The following MYO9A variants were observed in gnomAD, a reference collection of about 807,000 sequenced individuals.
The protein encoded by MYO9A is unconventional myosin-IXa.
In MYO9A, 103 loss-of-function variants were observed where a neutral mutation model predicts 293.3. The ratio of observed to expected loss-of-function variants is 0.35; its 90% CI spans 0.30 to 0.41. MYO9A has a LOEUF of 0.41. Among genes scored for constraint, MYO9A ranks in the 10% least tolerant of loss-of-function variants. The probability of loss-of-function intolerance (pLI) is 1.00; values close to 1 mark genes in which losing one functional copy is unlikely to be tolerated. For synonymous variants in MYO9A, 1,001 were observed against 1,035.7 expected, an observed-to-expected ratio of 0.97 and a Z score of 0.64; for missense variants, 2,685 against 3,033.0, an observed-to-expected ratio of 0.89 and a Z score of 2.69.
At chr15:71,993,089 G>C (rs1222724697) in intron 10 of MYO9A, among the ~76,000 whole-genome samples, 1 of 152,090 alleles carries the variant, frequency 6.6e-6, no homozygotes, top group African/African-American at 2.4e-5. Flanking sequence ...GGTGGCTCAC[G>C]CCTGTAATCC....
At chr15:71,901,380 G>A (rs751843877) in intron 22 of MYO9A, 40 bp from the exon 23 acceptor site, 24 of 1,564,894 alleles carry the variant, frequency 1.5e-5, no homozygotes, top group Non-Finnish European at 2.0e-5. Flanking sequence ...AGCTTAAGAA[G>A]AAATGAGAAA....
intron 14 of MYO9A, among the ~76,000 whole-genome samples, chr15:71,956,310 TAAA>T (rs869151550): frequency 1.9e-4 from 7 of 36,762 alleles, no homozygotes; most frequent in East Asian, 1.3e-3. Flanking sequence ...ACCCGGCTCT[TAAA>T]AAAAAAAAAA....
Position 71,898,895 on chromosome 15 carries a change from A to T in MYO9A, c.3608T>A (p.Ile1203Lys). ...AGATTTACATTCCTCTATGGCTTTT[A>T]TTCTGTTGTCAAAAGAACAATCCTC... is the stretch of plus-strand genomic sequence containing the variant. Reference protein sequence around the residue: ...GWEDCSFDNRIKAIEECKSVI... With the variant: ...GWEDCSFDNRKKAIEECKSVI... The change falls in exon 25 of 42, where the codon ATA becomes AAA. Residue 1203 changes from isoleucine to lysine, a missense_variant. Ile to Lys is a moderately radical substitution (Grantham distance 102). Coordinates refer to ENST00000356056, the MANE Select transcript of MYO9A (RefSeq NM_006901.4). 1 of 1,614,040 alleles carries T rather than the reference A, an allele frequency of 6.2e-7. No individual in the cohort carries two copies. Among genetic ancestry groups the T allele is most frequent in the South Asian group, 1.1e-5 (1 of 91,076 alleles).
At chr15:72,045,637 T>G in intron 2 of MYO9A, 87 bp downstream of exon 2, 2 of 1,381,674 alleles carry the variant, frequency 1.4e-6, no homozygotes, top group Non-Finnish European at 1.9e-6. Flanking sequence ...GACCTGGTAT[T>G]GCAGTACCTC....
chr15:71,949,310 C>A (rs1204090367), intron 15 of MYO9A, among the ~76,000 whole-genome samples: 1 of 152,022 alleles, frequency 6.6e-6, no homozygotes, highest in African/African-American at 2.4e-5. Flanking sequence ...TCAAGCAATT[C>A]TTGTGCTTCA....
At chr15:71,983,400 C>T (rs1216426983) in intron 11 of MYO9A, among the ~76,000 whole-genome samples, 3 of 148,794 alleles carry the variant, frequency 2.0e-5, no homozygotes, top group Admixed American at 2.0e-4. Flanking sequence ...TTACTCCTAA[C>T]TTATATGCTA....
chr15:72,008,498 G>T (rs535719487), intron 7 of MYO9A, among the ~76,000 whole-genome samples: 45 of 150,956 alleles, frequency 3.0e-4, no homozygotes, highest in African/African-American at 1.0e-3. Context: ...GGGTGTGTGT[G>T]TGTGTGTATG....
intron 1 of MYO9A, among the ~76,000 whole-genome samples, chr15:72,114,834 C>T (rs1326549976): frequency 6.6e-6 from 1 of 152,116 alleles, no homozygotes; most frequent in African/African-American, 2.4e-5. Flanking sequence ...ATATTTATTT[C>T]AAACTGAGTT....
At chr15:72,114,788 T>C (rs373885466) in intron 1 of MYO9A, among the ~76,000 whole-genome samples, 3 of 152,342 alleles carry the variant, frequency 2.0e-5, no homozygotes, top group Admixed American at 2.0e-4. Flanking sequence ...TAAGTCAATA[T>C]TGTGGTTTTT....
chr15:71,998,565 C>CTTT (rs11443228), intron 9 of MYO9A, among the ~76,000 whole-genome samples: 8 of 140,046 alleles, frequency 5.7e-5, no homozygotes, highest in Admixed American at 1.4e-4. Context: ...TTTTTTTTGT[C>CTTT]TTTTTTTTTC....
At chr15:71,891,981 T>A (rs183622146) in intron 26 of MYO9A, 73 of 152,314 alleles carry the variant, frequency 4.8e-4, no homozygotes, top group African/African-American at 1.8e-3. Context: ...CTAAAGAATA[T>A]TAGAGAGCTC....
At chr15:72,026,251 C>T (rs1429601842) in intron 4 of MYO9A, among the ~76,000 whole-genome samples, 1 of 129,100 alleles carries the variant, frequency 7.7e-6, no homozygotes, top group Non-Finnish European at 1.6e-5. Flanking sequence ...CCAGCCCGTG[C>T]CTCAGAGCAA....
Position 71,822,485 on chromosome 15 carries a change from G to C in MYO9A, c.*4095C>G, listed in dbSNP as rs1258769192. 1.3e-5 allele frequency: 2 copies of C among 152,064 alleles called. No homozygotes were observed. Among genetic ancestry groups the C allele is most frequent in the African/African-American group, 4.8e-5 (2 of 41,390 alleles). The allele number at this position is 152,064 out of a possible 1,614,324, so 9.4% of individuals were successfully genotyped here. A position where few individuals can be genotyped will look rare whatever the true frequency, so the allele number is the denominator to read the frequency against. On this transcript the variant is annotated 3_prime_UTR_variant, in exon 42 of 42. Coordinates refer to ENST00000356056, the MANE Select transcript of MYO9A (RefSeq NM_006901.4). ...ACAAAGTGCCTATTGATTGCATCCG[G>C]AATGTAATCAGTTCCGTGGGTGAGA...
rs543970427 is a variant in MYO9A at position 71,926,259 on chromosome 15, G to A, written c.2562+7411C>T. ...AGTCCTCTGGTCCTGGGGGGCATGC[G>A]CAAGGCATGAGTGACAGTTCCAAGC... On this transcript the variant is annotated intron_variant, in intron 18 of 41. Coordinates refer to ENST00000356056, the MANE Select transcript of MYO9A (RefSeq NM_006901.4). Among the ~76,000 whole-genome samples, 6 of 152,278 alleles carry A rather than the reference G, an allele frequency of 3.9e-5. No homozygotes were observed. In the East Asian group the frequency reaches 7.7e-4, roughly 20 times the overall value.
intron 40 of MYO9A, among the ~76,000 whole-genome samples, chr15:71,829,538 G>A (rs2054633421): frequency 6.6e-6 from 1 of 150,992 alleles, no homozygotes; most frequent in South Asian, 2.1e-4. Context: ...CTCCTAAATT[G>A]CAACCAATTT....
rs1177510629 is a variant in MYO9A, at chr15:71,938,894, GA to G, written c.2335del (p.Ser779LeufsTer6). 1 of 1,611,228 alleles carries G rather than the reference GA, an allele frequency of 6.2e-7. No homozygotes were observed. Among genetic ancestry groups the G allele is most frequent in the Non-Finnish European group, 8.5e-7 (1 of 1,178,856 alleles). Reference protein sequence around the residue: ...ITRKNPRTPLSDLQGMNALNE... With the variant: ...ITRKNPRTPLXDLQGMNALNE... ...TAGAGCATTCATGCCCTGGAGATCAGAAAGAGGTGTTCTGGGATTTTTCCGG... is the reference window on the plus strand; with the variant it reads ...TAGAGCATTCATGCCCTGGAGATCAGAAGAGGTGTTCTGGGATTTTTCCGG... On this transcript the variant is annotated frameshift_variant, in exon 16 of 42. Coordinates refer to ENST00000356056, the MANE Select transcript of MYO9A (RefSeq NM_006901.4). LOFTEE classifies it high-confidence loss of function.
At chr15:71,928,343 C>T (rs1217060061) in intron 18 of MYO9A, among the ~76,000 whole-genome samples, 1 of 151,580 alleles carries the variant, frequency 6.6e-6, no homozygotes, top group Non-Finnish European at 1.5e-5. Flanking sequence ...TCCCAAAGTG[C>T]TGTCTAATAT....
At chr15:71,893,525 A>G (rs2057237037) in intron 26 of MYO9A, 154 bp downstream of exon 26, 2 of 666,154 alleles carry the variant, frequency 3.0e-6, no homozygotes, top group Non-Finnish European at 2.5e-6. Context: ...GTACACCTTC[A>G]TAATTATAAC....
At chr15:71,992,579 T>A (rs2076572318) in intron 10 of MYO9A, among the ~76,000 whole-genome samples, 1 of 152,100 alleles carries the variant, frequency 6.6e-6, no homozygotes, top group Non-Finnish European at 1.5e-5. Context: ...TTAAATTAAT[T>A]TTTATGACTG....
Sources: gnomAD v4.1 joint callset for allele counts (sites outside exome capture counted in the v4.1 genomes callset) on GRCh38, gnomAD v4.1.1 for gene constraint, MANE v1.5 for transcripts, NCBI Gene and HGNC (gene_info 2026-07-23, HGNC 2026-07-21) for gene names.